ZNF532: variants seen among roughly 807,000 people sequenced by gnomAD.
ZNF532 encodes the protein zinc finger protein 532.
A neutral mutation model predicts 89.3 loss-of-function variants in ZNF532; 22 were observed. That is an observed-to-expected ratio of 0.25 (90% confidence interval 0.18 to 0.35). The LOEUF is 0.35. Among genes scored for constraint, ZNF532 ranks in the 10% least tolerant of loss-of-function variants. The pLI, the probability that ZNF532 is intolerant of heterozygous loss-of-function variation, is 1.00. For missense variants in ZNF532, 1,132 were observed against 1,643.4 expected (o/e 0.69, Z 5.38); for synonymous variants, 606 against 649.6 (o/e 0.93, Z 1.02).
intron 2 of ZNF532, among the ~76,000 whole-genome samples, chr18:58,888,758 A>T (rs1471383063): frequency 3.4e-5 from 1 of 29,518 alleles, no homozygotes; most frequent in African/African-American, 2.1e-4. Flanking sequence ...TATATATAAA[A>T]TTAATATATA....
intron 2 of ZNF532, among the ~76,000 whole-genome samples, chr18:58,905,158 AATAAC>A (rs1284462726): frequency 3.3e-5 from 5 of 152,090 alleles, no homozygotes; most frequent in Admixed American, 2.0e-4. Flanking sequence ...TTGTGTTTCT[AATAAC>A]CTATGGTTTA....
intron 2 of ZNF532, among the ~76,000 whole-genome samples, chr18:58,890,051 C>G (rs1054663404): frequency 6.6e-6 from 1 of 151,664 alleles, no homozygotes; most frequent in African/African-American, 2.4e-5. Flanking sequence ...CCACTGCACT[C>G]CAGCCTAGGA....
rs2064529827 is a variant in ZNF532, at chr18:58,954,335, G to T, written c.3150+536G>T. On this transcript the variant is annotated intron_variant, in intron 7 of 9. Coordinates refer to ENST00000591808, the MANE Select transcript of ZNF532 (RefSeq NM_001375912.1). ...ATGTATATCCTTTCTCTTTTAAATA[G>T]TAAGTATATGTCTCCAACTGATAAG... 3 of 827,374 alleles carry T rather than the reference G, an allele frequency of 3.6e-6. No homozygotes were observed. The Admixed American group carries it at 1.8e-4, about 51-fold the overall frequency. 51.3% of individuals were successfully genotyped at this position (827,374 alleles called of 1,614,324 possible).
In ZNF532 at chr18:58,888,912, T is replaced by TAA. The variant is rs66524068; in HGVS notation, c.-18+23334_-18+23335dup. 3.2e-3 allele frequency among the ~76,000 whole-genome samples: 299 copies of TAA among 92,734 alleles called. 5 individuals are homozygous for TAA. Among genetic ancestry groups the TAA allele is most frequent in the Non-Finnish European group, 5.4e-3 (264 of 49,146 alleles). 60.8% of individuals were successfully genotyped at this position (92,734 alleles called of 152,430 possible). On this transcript the variant is annotated intron_variant, in intron 2 of 9. Coordinates refer to ENST00000591808, the MANE Select transcript of ZNF532 (RefSeq NM_001375912.1). ...TATTTTATATATATATATATATATA[T>TAA]AATTCATACAGGCTGAGTATCCCTT...
Position 58,919,230 on chromosome 18 carries a change from C to T in ZNF532, c.943C>T (p.Pro315Ser), listed in dbSNP as rs566845179. ...NDSPRAADKS[P>S]ESQNLIDGTK... ...CAGTCCGAGAGCCGCTGACAAGTCTCCTGAATCCCAGAATCTCATCGACGG... is the reference window on the plus strand; with the variant it reads ...CAGTCCGAGAGCCGCTGACAAGTCTTCTGAATCCCAGAATCTCATCGACGG... Residue 315 changes from proline (P) to serine (S), a missense_variant, in exon 3 of 10, where the codon CCT becomes TCT. Physicochemically the swap from Pro to Ser is moderately conservative, Grantham distance 74. Around this residue, in one of 9 missense-constraint regions of ZNF532, gnomAD observed 124 missense variants for 191.6 expected, o/e 0.65. Coordinates refer to ENST00000591808, the MANE Select transcript of ZNF532 (RefSeq NM_001375912.1). This position sits in a 1 kb window ranked among gnomAD's most constrained non-coding sequence, Gnocchi z 6.1. 21 of 1,614,102 alleles carry T rather than the reference C, an allele frequency of 1.3e-5. No individual in the cohort carries two copies. In the African/African-American group the frequency reaches 2.1e-4, roughly 16 times the overall value.
At chr18:58,866,385 C>CT (rs1229905662) in intron 2 of ZNF532, among the ~76,000 whole-genome samples, 1 of 152,182 alleles carries the variant, frequency 6.6e-6, no homozygotes, top group African/African-American at 2.4e-5. Flanking sequence ...AGAACAAAGG[C>CT]TGAGGGGGCT....
chr18:58,930,627 CAAAAAA>C (rs59983153), intron 3 of ZNF532, among the ~76,000 whole-genome samples: 1 of 81,200 alleles, frequency 1.2e-5, no homozygotes, highest in African/African-American at 4.8e-5. Context: ...GACTCCATCT[CAAAAAA>C]AAAAAAAAAA....
chr18:58,887,055 T>C lies in ZNF532; in HGVS notation c.-18+21476T>C, dbSNP rs556756899. ...TGCAGGGATGGTCAGCTCTGGTAAATTACCTGGTTCCTAAGGCTTTTCTGG... is the reference window on the plus strand; with the variant it reads ...TGCAGGGATGGTCAGCTCTGGTAAACTACCTGGTTCCTAAGGCTTTTCTGG... On this transcript the variant is annotated intron_variant, in intron 2 of 9. Transcript: ENST00000591808. Among the ~76,000 whole-genome samples the C allele has an allele frequency of 3.3e-5, 5 of 152,326 alleles. No individual in the cohort carries two copies. In the East Asian group the frequency reaches 9.6e-4, roughly 29 times the overall value.
chr18:58,864,397 GGC>G (rs1340725620), upstream of ZNF532: 13 of 152,196 alleles, frequency 8.5e-5, no homozygotes, highest in Non-Finnish European at 1.3e-4. Context: ...AGGCCAGGCC[GGC>G]TCTGCAGCCG....
intron 2 of ZNF532, among the ~76,000 whole-genome samples, chr18:58,866,472 G>T (rs1281164657): frequency 6.6e-6 from 1 of 152,212 alleles, no homozygotes; most frequent in Non-Finnish European, 1.5e-5. Context: ...GAAACCAGCA[G>T]CTCCAGAATG....
At chr18:58,925,236 A>G (rs902542350) in intron 3 of ZNF532, among the ~76,000 whole-genome samples, 9 of 152,158 alleles carry the variant, frequency 5.9e-5, no homozygotes, top group African/African-American at 1.7e-4. Context: ...CCCAGGAGCA[A>G]CACACGAGGG....
intron 5 of ZNF532, among the ~76,000 whole-genome samples, chr18:58,944,988 C>G (rs1209576189): frequency 1.3e-5 from 2 of 152,174 alleles, no homozygotes; most frequent in Non-Finnish European, 2.9e-5. Context: ...CGTGCAGCCC[C>G]CCAGTCAGGA....
chr18:58,893,650 C>G (rs866081759), intron 2 of ZNF532, among the ~76,000 whole-genome samples: 6 of 129,294 alleles, frequency 4.6e-5, no homozygotes, highest in African/African-American at 2.0e-4. Flanking sequence ...AAGCAAGACT[C>G]TGTCTCAAAA....
chr18:58,972,337 GA>G (rs1452027014), intron 7 of ZNF532, among the ~76,000 whole-genome samples: 3 of 152,216 alleles, frequency 2.0e-5, no homozygotes, highest in Non-Finnish European at 1.5e-5. Context: ...TGTATATTCA[GA>G]AAAGTGGGAA....
At chr18:58,970,152 G>A (rs958114502) in intron 7 of ZNF532, among the ~76,000 whole-genome samples, 1 of 152,072 alleles carries the variant, frequency 6.6e-6, no homozygotes, top group African/African-American at 2.4e-5. Flanking sequence ...CCAAAGTCCT[G>A]GGATTACAGG....
intron 2 of ZNF532, among the ~76,000 whole-genome samples, chr18:58,872,220 A>AAC (rs1383016504): frequency 6.6e-6 from 1 of 150,488 alleles, no homozygotes; most frequent in Non-Finnish European, 1.5e-5. Context: ...TTCTGTTTTC[A>AAC]GTCAGTTATT....
In ZNF532 at chr18:58,912,431, G is replaced by C. The variant is rs114388218; in HGVS notation, c.-17-5840G>C. Among the ~76,000 whole-genome samples the C allele has an allele frequency of 2.6e-3, 394 of 152,262 alleles. 2 individuals are homozygous for C. The highest frequency in any genetic ancestry group is 8.6e-3 in the African/African-American group (357 of 41,534). Reference sequence around the variant, plus strand: ...CTGTGCGTATAAACTGTATTTGTACGCTATGTGTTACCCTGGTGTAGGCTG... The same window carrying C: ...CTGTGCGTATAAACTGTATTTGTACCCTATGTGTTACCCTGGTGTAGGCTG... On this transcript the variant is annotated intron_variant, in intron 2 of 9. Coordinates refer to ENST00000591808, the MANE Select transcript of ZNF532 (RefSeq NM_001375912.1).
chr18:58,972,630 C>G (rs2066587631), intron 7 of ZNF532, among the ~76,000 whole-genome samples: 1 of 152,230 alleles, frequency 6.6e-6, no homozygotes, highest in South Asian at 2.1e-4. Flanking sequence ...CGCCTTGGCT[C>G]TGGCCACACA....
At chr18:58,910,882 G>GT (rs1258212831) in intron 2 of ZNF532, among the ~76,000 whole-genome samples, 117 of 122,088 alleles carry the variant, frequency 9.6e-4, no homozygotes, top group East Asian at 2.2e-3. Flanking sequence ...AGCCTGGTTT[G>GT]TTTTTTTTTT....
Sources: gnomAD v4.1 joint callset for allele counts (sites outside exome capture counted in the v4.1 genomes callset) on GRCh38, gnomAD v4.1.1 for gene constraint, gnomAD v4.1.1 regional missense constraint, Gnocchi (gnomAD v3.1) non-coding constraint, MANE v1.5 for transcripts, NCBI Gene and HGNC (gene_info 2026-07-23, HGNC 2026-07-21) for gene names.